The following CHL1 variants were observed in gnomAD, a reference collection of about 807,000 sequenced individuals.
The protein encoded by CHL1 is cell adhesion molecule L1 like.
CHL1 carries 96 observed loss-of-function variants against 141.9 expected under a neutral mutation model. The ratio of observed to expected loss-of-function variants is 0.68; its 90% confidence interval spans 0.57 to 0.80. The LOEUF is 0.80. Among genes scored for constraint, CHL1 ranks in the 30% least tolerant of loss-of-function variants. CHL1 has a pLI of 0.00. For synonymous variants in CHL1, 613 were observed against 502.2 expected (o/e 1.22, Z -2.95); for missense variants, 1,820 against 1,457.2 (o/e 1.25, Z -4.05).
At chr3:283,525 T>C (rs970143941) in intron 2 of CHL1, among the ~76,000 whole-genome samples, 1 of 152,246 alleles carries the variant, frequency 6.6e-6, no homozygotes, top group African/African-American at 2.4e-5. Flanking sequence ...TATCTGTCTG[T>C]CTATCTGTCT....
chr3:395,212 T>C (rs73814750), intron 24 of CHL1, among the ~76,000 whole-genome samples: 1,548 of 152,338 alleles, frequency 0.01, 19 homozygotes, highest in Middle Eastern at 0.027. Flanking sequence ...GTTTTTCTTT[T>C]AGAAATGTTT....
chr3:341,030 A>G, intron 6 of CHL1, 114 bp downstream of exon 6: 1 of 1,140,950 alleles, frequency 8.8e-7, no homozygotes, highest in Non-Finnish European at 1.2e-6. Context: ...TAATTTTTTC[A>G]TATTTGAAGA....
chr3:299,875 C>A (rs981284411), intron 2 of CHL1, among the ~76,000 whole-genome samples: 1 of 152,188 alleles, frequency 6.6e-6, no homozygotes, highest in African/African-American at 2.4e-5. Context: ...TTTGGAAATA[C>A]AATATCAAAA....
chr3:360,190 A>G, intron 11 of CHL1, 94 bp from the exon 12 acceptor site: 1 of 1,441,038 alleles, frequency 6.9e-7, no homozygotes, highest in Non-Finnish European at 9.5e-7. Flanking sequence ...AACTGGTTTG[A>G]AAATATAAAT....
At chr3:209,878 A>T (rs1343581865) in intron 1 of CHL1, among the ~76,000 whole-genome samples, 5 of 152,224 alleles carry the variant, frequency 3.3e-5, no homozygotes, top group African/African-American at 9.6e-5. Flanking sequence ...TGTATTGCCC[A>T]TTCCAAGTTT....
intron 1 of CHL1, among the ~76,000 whole-genome samples, chr3:235,094 G>A (rs1452705861): frequency 4.0e-5 from 6 of 151,574 alleles, no homozygotes; most frequent in Admixed American, 1.3e-4. Flanking sequence ...ATGCTGGTGC[G>A]CTCACCCACT....
intron 2 of CHL1, among the ~76,000 whole-genome samples, chr3:287,717 G>C (rs1033941729): frequency 4.6e-5 from 7 of 151,884 alleles, no homozygotes; most frequent in African/African-American, 1.7e-4. Context: ...CCAAAAAAAT[G>C]ATCATTTTTG....
chr3:377,049 T>C (rs911943582), intron 15 of CHL1, among the ~76,000 whole-genome samples: 2 of 152,228 alleles, frequency 1.3e-5, no homozygotes, highest in Admixed American at 6.5e-5. Context: ...TTAAGTTATT[T>C]CAACAAAATG....
chr3:368,777 G>T (rs1040184690), intron 15 of CHL1, among the ~76,000 whole-genome samples: 7 of 152,130 alleles, frequency 4.6e-5, no homozygotes, highest in Non-Finnish European at 1.0e-4. Flanking sequence ...TGTTTAATGT[G>T]TAAGGAAGGG....
Position 406,077 on chromosome 3 carries a change from T to G in CHL1, c.*366T>G, listed in dbSNP as rs971734672. 9.0e-6 allele frequency: 2 copies of G among 223,314 alleles called. No individual in the cohort carries two copies. The highest frequency in any genetic ancestry group is 2.3e-5 in the African/African-American group (1 of 42,888). 13.8% of individuals were successfully genotyped at this position (223,314 alleles called of 1,614,324 possible). The stretch of plus-strand genomic sequence containing the variant: ...GCTACTTGGTGGGTTTTTCTCCGTA[T>G]GCACATTGGTATACAGTCTCTGAGA... On this transcript the variant is annotated 3_prime_UTR_variant, in exon 28 of 28. Transcript: ENST00000256509.
chr3:327,519 A>G (rs1368866797), intron 4 of CHL1, among the ~76,000 whole-genome samples: 3 of 152,020 alleles, frequency 2.0e-5, no homozygotes, highest in Non-Finnish European at 4.4e-5. Context: ...GAACTGGCAT[A>G]TTGAAATATT....
chr3:202,370 G>T (rs959413617), intron 1 of CHL1, among the ~76,000 whole-genome samples: 10 of 152,186 alleles, frequency 6.6e-5, no homozygotes, highest in Non-Finnish European at 1.3e-4. Context: ...ATCAATGGTG[G>T]TGTCAAATGG....
intron 3 of CHL1, among the ~76,000 whole-genome samples, chr3:322,967 A>T (rs564216955): frequency 4.6e-5 from 7 of 152,112 alleles, no homozygotes; most frequent in African/African-American, 1.7e-4. Flanking sequence ...GTTATTAATT[A>T]TCTACCTTGG....
chr3:229,979 G>C (rs920298777), intron 1 of CHL1, among the ~76,000 whole-genome samples: 2 of 152,076 alleles, frequency 1.3e-5, no homozygotes, highest in African/African-American at 2.4e-5. Context: ...GTTTTGTTTA[G>C]GGTGGATCTT....
At chr3:331,407 T>G (rs753567068) in intron 5 of CHL1, among the ~76,000 whole-genome samples, 1 of 151,972 alleles carries the variant, frequency 6.6e-6, no homozygotes, top group East Asian at 1.9e-4. Context: ...CAATTTTTAT[T>G]TTTATTTTTA....
intron 10 of CHL1, among the ~76,000 whole-genome samples, chr3:350,542 G>A (rs943463372): frequency 6.6e-6 from 1 of 151,834 alleles, no homozygotes; most frequent in Non-Finnish European, 1.5e-5. Flanking sequence ...TTCCAGTAAA[G>A]TTCACCTCTT....
At chr3:362,033 T>TTG (rs1704307149) in intron 13 of CHL1, among the ~76,000 whole-genome samples, 1 of 152,208 alleles carries the variant, frequency 6.6e-6, no homozygotes, top group African/African-American at 2.4e-5. Context: ...AGAGAGCCAC[T>TTG]TGTGTTCATA....
At chr3:353,666 CCTTTA>C (rs1703459830) in intron 10 of CHL1, among the ~76,000 whole-genome samples, 1 of 152,122 alleles carries the variant, frequency 6.6e-6, no homozygotes, top group Non-Finnish European at 1.5e-5. Context: ...TCTTTTTCTT[CCTTTA>C]CTTAGAAAAA....
intron 1 of CHL1, among the ~76,000 whole-genome samples, chr3:238,670 A>G (rs1692228563): frequency 1.3e-5 from 2 of 152,098 alleles, no homozygotes. Context: ...CACGCCTATA[A>G]TCCCAGCACT....
Sources: gnomAD v4.1 joint callset for allele counts (sites outside exome capture counted in the v4.1 genomes callset) on GRCh38, gnomAD v4.1.1 for gene constraint, MANE v1.5 for transcripts, NCBI Gene and HGNC (gene_info 2026-07-23, HGNC 2026-07-21) for gene names.